Variants in POLA1 observed in about 807,000 individuals in gnomAD.
The protein encoded by POLA1 is DNA polymerase alpha 1, catalytic subunit.
POLA1 carries 15 observed loss-of-function variants against 124.0 expected under a neutral mutation model. The observed-to-expected ratio is 0.12, with a 90% confidence interval of 0.08 to 0.19. The LOEUF (loss-of-function observed/expected upper bound fraction) is 0.19. Ranked by LOEUF, POLA1 falls within the 10% of genes least tolerant of loss-of-function variation. The pLI, the probability that POLA1 is intolerant of heterozygous loss-of-function variation, is 1.00. For missense variants in POLA1, 886 were observed against 1,103.4 expected (o/e 0.80, Z 2.79); for synonymous variants, 408 against 389.4 (o/e 1.05, Z -0.56).
chrX:24,765,082 C>T (rs1413955732), intron 26 of POLA1, among the ~76,000 whole-genome samples: 1 of 111,003 alleles, frequency 9.0e-6, no homozygotes, highest in African/African-American at 3.3e-5. Flanking sequence ...GCTGCTCCCT[C>T]ACCTGCACCC....
chrX:24,760,679 T>G (rs1196809123), intron 26 of POLA1, among the ~76,000 whole-genome samples: 1 of 112,171 alleles, frequency 8.9e-6, no homozygotes, highest in African/African-American at 3.2e-5. Flanking sequence ...GTTTGTGTGT[T>G]ATCATTGCAG....
chrX:24,802,014 G>T (rs1212492474), intron 26 of POLA1, among the ~76,000 whole-genome samples: 1 of 102,511 alleles, frequency 9.8e-6, no homozygotes, highest in Admixed American at 1.1e-4. Context: ...CTGTAGGGCA[G>T]GCCGGCAGCC....
rs760401740 is a variant in POLA1 at position 24,745,530 on chromosome X, G to T, written c.2679G>T (p.Gln893His). Residue 893 changes from glutamine (Q) to histidine (H), a missense_variant, in exon 24 of 37, where the codon CAG becomes CAT. Transcript: ENST00000379068. Reference protein sequence around the residue: ...TTVQRVASEAQKVTEDGEQEQ... With the variant: ...TTVQRVASEAHKVTEDGEQEQ... ...TACAAAGAGTTGCTTCAGAGGCACA[G>T]AAAGTTACAGAGGTTTGTATTTAAC... The T allele has an allele frequency of 1.7e-6, 2 of 1,165,854 alleles. No individual in the cohort carries two copies. Among genetic ancestry groups the T allele is most frequent in the East Asian group, 6.0e-5 (2 of 33,552 alleles).
intron 36 of POLA1, among the ~76,000 whole-genome samples, chrX:24,984,800 C>T (rs1473752873): frequency 9.2e-6 from 1 of 108,595 alleles, no homozygotes; most frequent in African/African-American, 3.4e-5. Context: ...GCTGGGACTA[C>T]AGGCGCCCGC....
At chrX:24,899,619 G>A (rs1055549836) in intron 35 of POLA1, among the ~76,000 whole-genome samples, 2 of 111,930 alleles carry the variant, frequency 1.8e-5, no homozygotes, top group African/African-American at 6.5e-5. Context: ...GATGAGAGAA[G>A]GGGTGAAAAC....
intron 34 of POLA1, among the ~76,000 whole-genome samples, chrX:24,850,770 G>A (rs756897177): frequency 5.1e-4 from 57 of 111,814 alleles, no homozygotes; most frequent in Non-Finnish European, 1.0e-3. Context: ...TTTTTGTCGG[G>A]GATGGAGAAC....
chrX:24,916,636 A>T (rs1187881379), intron 35 of POLA1, among the ~76,000 whole-genome samples: 1 of 111,218 alleles, frequency 9.0e-6, no homozygotes, highest in Non-Finnish European at 1.9e-5. Flanking sequence ...TTATCAAAGG[A>T]CTTCCCATAC....
chrX:24,899,600 G>T (rs913449454), intron 35 of POLA1, among the ~76,000 whole-genome samples: 2 of 111,973 alleles, frequency 1.8e-5, no homozygotes, highest in Admixed American at 1.9e-4. Flanking sequence ...CAGGTGCTAA[G>T]CTGCGGGAGA....
chrX:24,822,043 G>GTT (rs1209234987), intron 31 of POLA1, among the ~76,000 whole-genome samples: 1 of 104,151 alleles, frequency 9.6e-6, no homozygotes, highest in Non-Finnish European at 2.0e-5. Flanking sequence ...AATTCAACCA[G>GTT]TTTTTTTTTT....
chrX:24,700,232 C>G (rs1269799064), intron 2 of POLA1, among the ~76,000 whole-genome samples: 1 of 109,640 alleles, frequency 9.1e-6, no homozygotes, highest in East Asian at 2.9e-4. Flanking sequence ...AGTGTGTTTA[C>G]CAATGTGTTT....
At chrX:24,919,850 T>TC (rs2047590860) in intron 35 of POLA1, among the ~76,000 whole-genome samples, 1 of 89,061 alleles carries the variant, frequency 1.1e-5, no homozygotes, top group African/African-American at 4.1e-5. Context: ...TTTCTGTTTT[T>TC]TTTTTTTTTT....
At chrX:24,836,159 T>C (rs1360804105) in intron 32 of POLA1, among the ~76,000 whole-genome samples, 1 of 112,172 alleles carries the variant, frequency 8.9e-6, no homozygotes, top group Non-Finnish European at 1.9e-5. Flanking sequence ...TAGACTACTT[T>C]TACTGAATAT....
intron 23 of POLA1, among the ~76,000 whole-genome samples, chrX:24,743,826 T>C (rs1047714897): frequency 8.9e-6 from 1 of 112,047 alleles, no homozygotes; most frequent in Non-Finnish European, 1.9e-5. Context: ...AATATCTTTT[T>C]CCCTATTGTC....
At chrX:24,929,455 G>T (rs1177878195) in intron 35 of POLA1, among the ~76,000 whole-genome samples, 1 of 111,870 alleles carries the variant, frequency 8.9e-6, no homozygotes, top group African/African-American at 3.3e-5. Flanking sequence ...TAACATGTTT[G>T]TCATTTGATC....
intron 15 of POLA1, 75 bp downstream of exon 15, chrX:24,728,011 AAGAGAAAGTTGTTCTTTTTGGAGGGG>A: frequency 1.2e-6 from 1 of 835,629 alleles, no homozygotes; most frequent in South Asian, 3.1e-5. Flanking sequence ...GCTTTGCTTT[AAGAGAAAGTTGTTCTTTTTGGAGGGG>A]AAAGAATACT....
Position 24,975,346 on chromosome X carries a change from A to G in POLA1, c.4262-20459A>G, listed in dbSNP as rs184916721. ...ACTTTCATAGAAAGGCAGCTATGCT[A>G]TATTGATATGGAACAGAGGCTTATT... On this transcript the variant is annotated intron_variant, in intron 36 of 36. Transcript: ENST00000379068. 1.8e-3 allele frequency among the ~76,000 whole-genome samples: 204 copies of G among 112,490 alleles called. 2 individuals carry two copies. Among genetic ancestry groups the G allele is most frequent in the Non-Finnish European group, 2.5e-3 (134 of 53,262 alleles).
chrX:24,779,632 G>A (rs1284560668), intron 26 of POLA1, among the ~76,000 whole-genome samples: 2 of 111,882 alleles, frequency 1.8e-5, no homozygotes, highest in Non-Finnish European at 3.8e-5. Context: ...AAAAGGAAGT[G>A]CCAGAGCCAG....
chrX:24,749,887 A>G (rs1475314456), intron 26 of POLA1, among the ~76,000 whole-genome samples: 1 of 112,192 alleles, frequency 8.9e-6, no homozygotes, highest in African/African-American at 3.2e-5. Context: ...TTAATTTGTA[A>G]AAGAATAGTT....
rs1210242840 is a variant in POLA1, at chrX:24,908,419, T to A, written c.4164+20297T>A. On this transcript the variant is annotated intron_variant, in intron 35 of 36. Coordinates refer to ENST00000379068, the MANE Select transcript of POLA1 (RefSeq NM_001330360.2). ...CCACCCCACAACAGGCCCTGGTGTG[T>A]GATGTTCCCCTTCCTGTGTCCATGT... 7.6e-5 allele frequency among the ~76,000 whole-genome samples: 6 copies of A among 78,770 alleles called. No homozygotes were observed. The Admixed American group carries it at 8.7e-4, about 11-fold the overall frequency. 68.4% of individuals were successfully genotyped at this position (78,770 alleles called of 115,157 possible).
Sources: gnomAD v4.1 joint callset for allele counts (sites outside exome capture counted in the v4.1 genomes callset) on GRCh38, gnomAD v4.1.1 for gene constraint, MANE v1.5 for transcripts, NCBI Gene and HGNC (gene_info 2026-07-23, HGNC 2026-07-21) for gene names.